Variants in ASB5 observed in about 807,000 individuals in gnomAD.
The protein encoded by ASB5 is ankyrin repeat and SOCS box containing 5, also known as ankyrin repeat and SOCS box protein 5.
Under a neutral mutation model 42.1 loss-of-function variants are expected in ASB5, and 45 were observed. The ratio of observed to expected loss-of-function variants is 1.07; its 90% CI spans 0.84 to 1.37. ASB5 has a LOEUF of 1.37. Ranked by LOEUF, ASB5 falls within the 40% of genes most tolerant of loss-of-function variation. ASB5 has a pLI of 0.00. For synonymous variants in ASB5, 147 were observed against 150.6 expected (o/e 0.98, Z 0.18); for missense variants, 402 against 399.8 (o/e 1.01, Z -0.05).
intron 1 of ASB5, among the ~76,000 whole-genome samples, chr4:176,255,608 A>G (rs1233430117): frequency 1.3e-5 from 2 of 152,236 alleles, no homozygotes; most frequent in Non-Finnish European, 2.9e-5. Context: ...TAATGTAGGA[A>G]CAGAAAACTA....
At chr4:176,217,073 G>A in intron 5 of ASB5, 64 bp from the exon 6 acceptor site, 2 of 1,370,110 alleles carry the variant, frequency 1.5e-6, no homozygotes, top group Non-Finnish European at 2.0e-6. Flanking sequence ...AGCTGCCTCA[G>A]TGGGGATAGA....
intron 1 of ASB5, among the ~76,000 whole-genome samples, chr4:176,242,084 G>A (rs1035992842): frequency 3.9e-5 from 6 of 151,970 alleles, no homozygotes; most frequent in African/African-American, 9.7e-5. Context: ...AAACACCCAC[G>A]GCACCTGGTA....
At chr4:176,219,595 T>TATATATG (rs1753138300) in intron 5 of ASB5, among the ~76,000 whole-genome samples, 1 of 106,944 alleles carries the variant, frequency 9.4e-6, no homozygotes, top group African/African-American at 4.0e-5. Flanking sequence ...TATATATATA[T>TATATATG]ATATATATAT....
intron 2 of ASB5, among the ~76,000 whole-genome samples, chr4:176,274,904 T>G (rs572104460): frequency 4.7e-4 from 70 of 148,032 alleles, no homozygotes; most frequent in African/African-American, 1.7e-3. Context: ...ACTTCCAGCA[T>G]AGCAATTTTT....
rs189425770 is a variant in ASB5, at chr4:176,276,290, C to G, written c.-200-384G>C. On this transcript the variant is annotated intron_variant, in intron 1 of 2. Transcript: ENST00000505299. ...TTTGTTATTTAAGTTAAATTAGAAT[C>G]TGTTGCATGCCAGGCACTGAAATTT... Among the ~76,000 whole-genome samples, 371 of 152,314 alleles carry G rather than the reference C, an allele frequency of 2.4e-3. 8 individuals are homozygous for G. The highest frequency in any genetic ancestry group is 0.023 in the Admixed American group (350 of 15,298).
Position 176,221,435 on chromosome 4 carries a change from C to A in ASB5, c.535+15G>T. On this transcript the variant is annotated intron_variant, in intron 4 of 6. Transcript: ENST00000296525. ...AACTTTCTTCCCTTGTCACTTAATC[C>A]CAGAACTAAGTTACCTTTACTGGCG... is the stretch of plus-strand genomic sequence containing the variant. 1 of 1,611,070 alleles carries A rather than the reference C, an allele frequency of 6.2e-7. No homozygotes were observed. Among genetic ancestry groups the A allele is most frequent in the South Asian group, 1.1e-5 (1 of 90,636 alleles).
chr4:176,244,455 T>C (rs1353988276), intron 1 of ASB5, among the ~76,000 whole-genome samples: 3 of 152,224 alleles, frequency 2.0e-5, no homozygotes, highest in Non-Finnish European at 4.4e-5. Context: ...TCAATTGCTA[T>C]GTATGATTTA....
upstream of ASB5, among the ~76,000 whole-genome samples, chr4:176,271,939 A>C (rs1223696111): frequency 6.6e-6 from 1 of 152,138 alleles, no homozygotes; most frequent in Non-Finnish European, 1.5e-5. Flanking sequence ...AGATTGAGAC[A>C]GAGTCACACA....
At chr4:176,226,854 A>G (rs1753394226) in intron 1 of ASB5, among the ~76,000 whole-genome samples, 1 of 152,196 alleles carries the variant, frequency 6.6e-6, no homozygotes, top group Non-Finnish European at 1.5e-5. Context: ...ACATGTTGCC[A>G]TGGAGGGCAA....
intron 1 of ASB5, among the ~76,000 whole-genome samples, chr4:176,258,012 T>C (rs2126974304): frequency 6.6e-6 from 1 of 152,334 alleles, no homozygotes; most frequent in Admixed American, 6.5e-5. Context: ...AGTAACCGTT[T>C]GGCAAACATA....
chr4:176,257,615 A>AT (rs1464270783), intron 1 of ASB5, among the ~76,000 whole-genome samples: 1 of 152,164 alleles, frequency 6.6e-6, no homozygotes, highest in Non-Finnish European at 1.5e-5. Context: ...TAAATGGCTT[A>AT]TTTTTGGCAA....
chr4:176,224,310 C>T (rs781388273), intron 2 of ASB5, among the ~76,000 whole-genome samples: 5 of 141,248 alleles, frequency 3.5e-5, no homozygotes, highest in East Asian at 2.3e-4. Flanking sequence ...ACTTGGCTCA[C>T]GGCAACCTCT....
At chr4:176,269,882 G>A (rs75094310), upstream of ASB5, among the ~76,000 whole-genome samples, 1 of 152,260 alleles carries the variant, frequency 6.6e-6, no homozygotes, top group East Asian at 1.9e-4. Flanking sequence ...TATTAAGGGA[G>A]CACAAAGAGG....
chr4:176,242,044 G>C (rs554493287), intron 1 of ASB5, among the ~76,000 whole-genome samples: 1 of 152,282 alleles, frequency 6.6e-6, no homozygotes, highest in East Asian at 1.9e-4. Context: ...CTTTACCTCC[G>C]CATGTTGCTA....
intron 1 of ASB5, among the ~76,000 whole-genome samples, chr4:176,249,909 C>CA (rs563987833): frequency 0.16 from 24,556 of 151,010 alleles, 2,685 homozygotes; most frequent in Middle Eastern, 0.24. Context: ...ACTAAAAACA[C>CA]AAAAAATTAG....
intron 1 of ASB5, among the ~76,000 whole-genome samples, chr4:176,276,812 A>G (rs1483794939): frequency 6.6e-6 from 1 of 152,224 alleles, no homozygotes; most frequent in Non-Finnish European, 1.5e-5. Flanking sequence ...CCGTGAATTA[A>G]CTGAAGTTGT....
intron 1 of ASB5, among the ~76,000 whole-genome samples, chr4:176,241,883 A>G (rs897703463): frequency 6.6e-6 from 1 of 152,008 alleles, no homozygotes; most frequent in African/African-American, 2.4e-5. Context: ...AGCTATGGGG[A>G]AAAAAATCAT....
In ASB5 at chr4:176,268,935, A is replaced by G; in HGVS notation, c.174T>C (p.Phe58=). ...TACCTTGTCCTTGGGTTACTCCATA[A>G]AATTCAGCTGCTATCCTTGCCGCTT... ...RKEAARIAAE[F]YGVTQGQGSW... The change falls in exon 1 of 7, where the codon TTT becomes TTC. Residue 58 remains phenylalanine (F), a synonymous_variant. Coordinates refer to ENST00000296525, the MANE Select transcript of ASB5 (RefSeq NM_080874.4). 2 of 1,612,312 alleles carry G rather than the reference A, an allele frequency of 1.2e-6. No individual in the cohort carries two copies. Among genetic ancestry groups the G allele is most frequent in the Non-Finnish European group, 1.7e-6 (2 of 1,179,212 alleles).
In ASB5 at chr4:176,221,140, T is replaced by G. The variant is rs751500730; in HGVS notation, c.670+15A>C. On this transcript the variant is annotated intron_variant, in intron 5 of 6. Transcript: ENST00000296525. ...TGTGTATGGACAGAATGGAAGATGT[T>G]TTAAAGGAAAATACCAGCATAAAGA... is the stretch of plus-strand genomic sequence containing the variant. 2 of 1,605,516 alleles carry G rather than the reference T, an allele frequency of 1.2e-6. No individual in the cohort carries two copies. The highest frequency in any genetic ancestry group is 1.7e-6 in the Non-Finnish European group (2 of 1,176,688).
Sources: gnomAD v4.1 joint callset for allele counts (sites outside exome capture counted in the v4.1 genomes callset) on GRCh38, gnomAD v4.1.1 for gene constraint, MANE v1.5 for transcripts, NCBI Gene and HGNC (gene_info 2026-07-23, HGNC 2026-07-21) for gene names.